The following HEXB variants were observed in gnomAD, a reference collection of about 807,000 sequenced individuals.
HEXB encodes hexosaminidase subunit beta.
In HEXB, 51 loss-of-function variants were observed where a neutral mutation model predicts 71.2. The observed-to-expected ratio is 0.72, with a 90% CI of 0.57 to 0.90. The LOEUF is 0.90. HEXB is among the 40% of genes least tolerant of loss of function. The pLI is 0.00. For missense variants in HEXB, 617 were observed against 677.0 expected (o/e 0.91, Z 0.98); for synonymous variants, 266 against 249.3 (o/e 1.07, Z -0.63).
rs767247573 is a variant in HEXB, at chr5:74,719,000, T to C, written c.1417+29T>C. The C allele has an allele frequency of 1.9e-6, 3 of 1,609,744 alleles. No individual in the cohort carries two copies. In the South Asian group the frequency reaches 3.3e-5, roughly 18 times the overall value. ...AGTGAAGCAGTTGGTCCAAGTGTTG[T>C]GGGTTACTGTGAAGCTGATGGTAAG... On this transcript the variant is annotated intron_variant, in intron 11 of 13. Transcript: ENST00000261416.
chr5:74,651,376 A>G (rs1381349630), intron 1 of HEXB, among the ~76,000 whole-genome samples: 1 of 152,226 alleles, frequency 6.6e-6, no homozygotes, highest in Non-Finnish European at 1.5e-5. Context: ...TAATACGTTT[A>G]ACAAATGAAT....
At chr5:74,709,434 A>G (rs967436826) in intron 6 of HEXB, among the ~76,000 whole-genome samples, 3 of 152,228 alleles carry the variant, frequency 2.0e-5, no homozygotes. Flanking sequence ...GCAAGAAATA[A>G]CTAAAATCAA....
rs543915574 is a variant in HEXB, at chr5:74,674,526, C to T, written c.-376-14802C>T. On this transcript the variant is annotated intron_variant, in intron 1 of 13. Transcript: ENST00000511181. ...GGCTGAGGCAGGAGAATGGCGTGAA[C>T]CCGGGAGGCGGAGCTTGCAGTGAGC... is the stretch of plus-strand genomic sequence containing the variant. Among the ~76,000 whole-genome samples the T allele has an allele frequency of 2.0e-5, 3 of 151,114 alleles. No individual in the cohort carries two copies. In the South Asian group the frequency reaches 6.3e-4, roughly 32 times the overall value.
intron 1 of HEXB, among the ~76,000 whole-genome samples, chr5:74,666,836 A>G (rs1481095252): frequency 1.3e-5 from 2 of 152,148 alleles, no homozygotes; most frequent in Non-Finnish European, 2.9e-5. Context: ...ATAGAGAGAG[A>G]GAACACACAC....
At chr5:74,713,761 TC>T in intron 7 of HEXB, 126 bp downstream of exon 7, 1 of 754,168 alleles carries the variant, frequency 1.3e-6, no homozygotes, top group South Asian at 1.5e-5. Flanking sequence ...CCTCCCAGGA[TC>T]AAGCGATTCT....
Position 74,696,716 on chromosome 5 carries a change from GT to G in HEXB, c.538del (p.Tyr180IlefsTer27). On this transcript the variant is annotated frameshift_variant, in exon 4 of 14. Coordinates refer to ENST00000261416, the MANE Select transcript of HEXB (RefSeq NM_000521.4). LOFTEE classifies it high-confidence loss of function. Reference protein sequence around the residue: ...LRGLETFSQLVYQDSYGTFTI... With the variant: ...LRGLETFSQLXYQDSYGTFTI... ...AGGTTTAGAGACCTTTAGCCAGTTA[GT>G]TTATCAAGATTCTTATGGAACTGTA... 2.1e-6 allele frequency: 3 copies of G among 1,449,142 alleles called. No individual in the cohort carries two copies. The highest frequency in any genetic ancestry group is 2.9e-6 in the Non-Finnish European group (3 of 1,030,856). 89.8% of individuals were successfully genotyped at this position (1,449,142 alleles called of 1,614,324 possible).
rs545436989 is a variant in HEXB, at chr5:74,663,961, AC to A, written c.-377+23404del. Reference sequence around the variant, plus strand: ...GGCAACATAGTGGGATCCTGTATCTACAAAAAACTTTAGGCCAGGCGTGGTG... The same window carrying A: ...GGCAACATAGTGGGATCCTGTATCTAAAAAAACTTTAGGCCAGGCGTGGTG... On this transcript the variant is annotated intron_variant, in intron 1 of 13. Transcript: ENST00000511181. 2.5e-3 allele frequency among the ~76,000 whole-genome samples: 376 copies of A among 152,190 alleles called. 1 individual carries two copies. Among genetic ancestry groups the A allele is most frequent in the African/African-American group, 8.5e-3 (351 of 41,520 alleles).
intron 11 of HEXB, among the ~76,000 whole-genome samples, chr5:74,719,621 A>T (rs1191890759): frequency 3.9e-5 from 6 of 152,200 alleles, no homozygotes; most frequent in Non-Finnish European, 8.8e-5. Flanking sequence ...TTTTATGAGG[A>T]CCAAAAAGCG....
At chr5:74,705,173 T>C (rs773304644) in intron 5 of HEXB, 46 bp from the exon 6 acceptor site, 2 of 1,032,088 alleles carry the variant, frequency 1.9e-6, no homozygotes, top group East Asian at 2.4e-5. Context: ...ATATGGATTG[T>C]ATATGATATC....
intron 3 of HEXB, among the ~76,000 whole-genome samples, chr5:74,696,054 G>A (rs191601571): frequency 2.9e-4 from 44 of 152,262 alleles, no homozygotes; most frequent in Non-Finnish European, 5.3e-4. Context: ...ACAGGAAGGC[G>A]TAGCAAAGAT....
rs1749130074 is a variant in HEXB, at chr5:74,697,076, T to G, written c.639T>G (p.Tyr213Ter). 1.3e-6 allele frequency: 2 copies of G among 1,539,992 alleles called. No homozygotes were observed. The highest frequency in any genetic ancestry group is 1.8e-6 in the Non-Finnish European group (2 of 1,113,208). ...RGILIDTSRHYLPVKIILKTL... is the reference protein window; with the variant it reads ...RGILIDTSRH ...TTTTGATTGATACATCCAGACATTA[T>G]CTGCCAGTTAAGATTATTCTTAAAA... Residue 213 changes from tyrosine (Y) to a stop codon, truncating the protein, a stop_gained, in exon 5 of 14, where the codon TAT becomes TAG. Transcript: ENST00000261416. LOFTEE classifies it high-confidence loss of function.
Position 74,721,274 on chromosome 5 carries a change from T to TA in HEXB, c.*99_*100insA. On this transcript the variant is annotated 3_prime_UTR_variant, in exon 14 of 14. Coordinates refer to ENST00000261416, the MANE Select transcript of HEXB (RefSeq NM_000521.4). The stretch of plus-strand genomic sequence containing the variant: ...ATTAGACTGTTTTTTGAATAAAATA[T>TA]TTTTATTGATTGAACCTTTGACCCT... 1 of 976,958 alleles carries TA rather than the reference T, an allele frequency of 1.0e-6. No homozygotes were observed. The highest frequency in any genetic ancestry group is 1.6e-6 in the Non-Finnish European group (1 of 614,556). 60.5% of individuals were successfully genotyped at this position (976,958 alleles called of 1,614,324 possible).
At position 74,685,327 on chromosome 5, in the gene HEXB, CTGGCGGCGATGT is replaced by C. The variant is rs745791892; in HGVS notation, c.73_84del (p.Ala25_Ala28del). The C allele has an allele frequency of 5.1e-6, 8 of 1,575,998 alleles. No individual in the cohort carries two copies. In the South Asian group the frequency reaches 9.2e-5, roughly 18 times the overall value. The stretch of plus-strand genomic sequence containing the variant: ...GCTGGCGCTGCTGTTGGCGACACTG[CTGGCGGCGATGT>C]TGGCGCTGCTGACTCAGGTGGCGCT... On this transcript the variant is annotated inframe_deletion, in exon 1 of 14. Coordinates refer to ENST00000261416, the MANE Select transcript of HEXB (RefSeq NM_000521.4).
chr5:74,668,947 C>A (rs965048007), intron 1 of HEXB, among the ~76,000 whole-genome samples: 125 of 152,188 alleles, frequency 8.2e-4, no homozygotes, highest in African/African-American at 2.9e-3. Context: ...TTGGTTTGTG[C>A]GGGCATTTTT....
intron 9 of HEXB, 118 bp downstream of exon 9, chr5:74,716,791 CA>C: frequency 1.5e-5 from 10 of 673,052 alleles, no homozygotes; most frequent in Non-Finnish European, 2.6e-5. Context: ...TGTGAAAAAT[CA>C]CTAAAGGAGG....
At chr5:74,684,684 T>C (rs1055627601), upstream of HEXB, among the ~76,000 whole-genome samples, 4 of 149,072 alleles carry the variant, frequency 2.7e-5, no homozygotes, top group Non-Finnish European at 6.0e-5. Flanking sequence ...CTTTTTTTTT[T>C]TTTTTTTTTT....
chr5:74,644,252 G>T (rs745978482), intron 1 of HEXB, among the ~76,000 whole-genome samples: 3 of 152,242 alleles, frequency 2.0e-5, no homozygotes, highest in Non-Finnish European at 4.4e-5. Context: ...CTCACAGGTT[G>T]TCTGCATTTA....
Position 74,715,556 on chromosome 5 carries a change from G to C in HEXB, c.948G>C (p.Leu316Phe), listed in dbSNP as rs1749649162. Residue 316 changes from leucine (L) to phenylalanine (F), a missense_variant, in exon 8 of 14, where the codon TTG (leucine) becomes TTC (phenylalanine). By Grantham distance (22) the Leu-to-Phe change is conservative (BLOSUM62 0). Transcript: ENST00000261416. ...CATGTTACAGTAGACAAAACAAGTT[G>C]GACTCTTTTGGACCTATAAACCCTA... Reference protein sequence around the residue: ...LTPCYSRQNKLDSFGPINPTL... With the variant: ...LTPCYSRQNKFDSFGPINPTL... 6.2e-7 allele frequency: 1 copy of C among 1,611,976 alleles called. No homozygotes were observed. The highest frequency in any genetic ancestry group is 8.5e-7 in the Non-Finnish European group (1 of 1,178,242).
chr5:74,713,210 A>G (rs1424078761), intron 6 of HEXB, among the ~76,000 whole-genome samples: 1 of 152,248 alleles, frequency 6.6e-6, no homozygotes, highest in Non-Finnish European at 1.5e-5. Context: ...AGCCCAAAGT[A>G]TACTGAGAAT....
Sources: allele counts gnomAD v4.1 joint callset (sites outside exome capture counted in the v4.1 genomes callset), GRCh38; gene constraint gnomAD v4.1.1; transcripts MANE v1.5; gene names NCBI Gene and HGNC (gene_info 2026-07-23, HGNC 2026-07-21).